The following CNTN5 variants were observed in gnomAD, a reference collection of about 807,000 sequenced individuals.
The protein encoded by CNTN5 is contactin 5, also known as contactin-5.
A neutral mutation model predicts 129.1 loss-of-function variants in CNTN5; 77 were observed. The ratio of observed to expected loss-of-function variants is 0.60; its 90% CI spans 0.50 to 0.72. CNTN5 has a LOEUF of 0.72. Ranked by LOEUF, CNTN5 falls within the 30% of genes least tolerant of loss-of-function variation. CNTN5 has a pLI of 0.00. For synonymous variants in CNTN5, 509 were observed against 465.6 expected, an observed-to-expected ratio of 1.09 and a Z score of -1.20; for missense variants, 1,478 against 1,328.8, an observed-to-expected ratio of 1.11 and a Z score of -1.75.
chr11:99,448,757 T>C (rs1944177391), intron 2 of CNTN5, among the ~76,000 whole-genome samples: 1 of 147,744 alleles, frequency 6.8e-6, no homozygotes, highest in Non-Finnish European at 1.5e-5. Flanking sequence ...TTTATTTTAT[T>C]TTATTTTATT....
At chr11:100,323,981 C>A (rs1415328329) in intron 21 of CNTN5, among the ~76,000 whole-genome samples, 2 of 152,160 alleles carry the variant, frequency 1.3e-5, no homozygotes, top group Non-Finnish European at 1.5e-5. Flanking sequence ...GATTAATATT[C>A]TTCTACCTGA....
At chr11:99,625,042 C>G (rs636381) in intron 3 of CNTN5, among the ~76,000 whole-genome samples, 32,706 of 152,136 alleles carry the variant, frequency 0.21, 4,003 homozygotes, top group Middle Eastern at 0.34. Flanking sequence ...TGCCTAGTAT[C>G]TAGTCCAGTG....
intron 2 of CNTN5, among the ~76,000 whole-genome samples, chr11:99,480,278 T>G (rs1441167612): frequency 1.3e-5 from 2 of 152,164 alleles, no homozygotes; most frequent in African/African-American, 4.8e-5. Context: ...CTTCTTGAAA[T>G]GATAAACTTT....
At chr11:99,890,253 G>A (rs1316708063) in intron 6 of CNTN5, among the ~76,000 whole-genome samples, 1 of 152,066 alleles carries the variant, frequency 6.6e-6, no homozygotes, top group South Asian at 2.1e-4. Flanking sequence ...AGCTCACAAT[G>A]GCAGAAGCTA....
At chr11:99,762,419 ATC>A (rs777754325) in intron 3 of CNTN5, among the ~76,000 whole-genome samples, 5 of 151,888 alleles carry the variant, frequency 3.3e-5, no homozygotes, top group South Asian at 2.1e-4. Flanking sequence ...TAAGTCTTTA[ATC>A]CATCTTGAAT....
intron 2 of CNTN5, among the ~76,000 whole-genome samples, chr11:99,451,255 A>G (rs991412223): frequency 4.6e-5 from 7 of 152,134 alleles, no homozygotes; most frequent in African/African-American, 7.2e-5. Flanking sequence ...TCATCCCAAT[A>G]TTTTCTTAGA....
chr11:100,005,651 C>A (rs1940145443), intron 9 of CNTN5, among the ~76,000 whole-genome samples: 1 of 151,992 alleles, frequency 6.6e-6, no homozygotes, highest in Non-Finnish European at 1.5e-5. Context: ...CATGACAACC[C>A]CAAAAAACTT....
intron 1 of CNTN5, among the ~76,000 whole-genome samples, chr11:99,117,387 G>A (rs1055804647): frequency 2.0e-5 from 3 of 152,112 alleles, no homozygotes; most frequent in African/African-American, 7.2e-5. Context: ...ACCCAAGGAT[G>A]ACCACAATCC....
intron 1 of CNTN5, chr11:99,049,890 A>G (rs534497368): frequency 6.6e-6 from 1 of 152,302 alleles, no homozygotes; most frequent in East Asian, 1.9e-4. Flanking sequence ...GACTCTGATC[A>G]TCTCTATTTT....
chr11:100,258,569 A>G (rs1267845156), intron 17 of CNTN5, among the ~76,000 whole-genome samples: 2 of 152,236 alleles, frequency 1.3e-5, no homozygotes, highest in African/African-American at 2.4e-5. Flanking sequence ...AGGGAAGCCC[A>G]TCAGACTAAC....
chr11:99,051,026 G>T (rs1864407241), intron 1 of CNTN5, among the ~76,000 whole-genome samples: 1 of 151,738 alleles, frequency 6.6e-6, no homozygotes, highest in Non-Finnish European at 1.5e-5. Context: ...CATTATTTGA[G>T]TTGTATCAGC....
chr11:99,898,479 G>A (rs1447973595), intron 6 of CNTN5, among the ~76,000 whole-genome samples: 1 of 151,914 alleles, frequency 6.6e-6, no homozygotes, highest in Non-Finnish European at 1.5e-5. Flanking sequence ...AAGATAAATA[G>A]CATAGTTCCT....
At chr11:100,060,248 T>G (rs1265783552) in intron 9 of CNTN5, among the ~76,000 whole-genome samples, 1 of 151,500 alleles carries the variant, frequency 6.6e-6, no homozygotes, top group East Asian at 1.9e-4. Flanking sequence ...CCTCCGCTGC[T>G]TTCAATGTTT....
chr11:99,314,782 A>C (rs1354382409), intron 1 of CNTN5, among the ~76,000 whole-genome samples: 1 of 149,704 alleles, frequency 6.7e-6, no homozygotes, highest in African/African-American at 2.4e-5. Flanking sequence ...GGAGGTGCAC[A>C]TGTGTAATTA....
intron 13 of CNTN5, among the ~76,000 whole-genome samples, chr11:100,088,770 G>A (rs1565228864): frequency 6.6e-6 from 1 of 151,906 alleles, no homozygotes; most frequent in Non-Finnish European, 1.5e-5. Context: ...AAAACACTGA[G>A]GACCAGATTA....
intron 3 of CNTN5, among the ~76,000 whole-genome samples, chr11:99,573,647 T>C (rs1056558719): frequency 9.2e-5 from 14 of 152,144 alleles, no homozygotes; most frequent in African/African-American, 3.1e-4. Context: ...TTTTTTTCTA[T>C]TGAGACGGAG....
chr11:100,177,878 C>T (rs927350930), intron 13 of CNTN5, among the ~76,000 whole-genome samples: 7 of 152,046 alleles, frequency 4.6e-5, no homozygotes, highest in African/African-American at 1.7e-4. Context: ...TCTATGTAGC[C>T]ACTGTTTTTC....
chr11:99,602,161 T>C (rs145672165), intron 3 of CNTN5, among the ~76,000 whole-genome samples: 1 of 151,996 alleles, frequency 6.6e-6, no homozygotes, highest in African/African-American at 2.4e-5. Context: ...GCAGACAAAA[T>C]AGTTACCATG....
chr11:100,199,984 A>C (rs1485670018), intron 15 of CNTN5, among the ~76,000 whole-genome samples: 1 of 152,032 alleles, frequency 6.6e-6, no homozygotes, highest in East Asian at 1.9e-4. Context: ...CAGAGGTTTT[A>C]ATATAATTAA....
Sources: allele counts gnomAD v4.1 joint callset (sites outside exome capture counted in the v4.1 genomes callset), GRCh38; gene constraint gnomAD v4.1.1; transcripts MANE v1.5; gene names NCBI Gene and HGNC (gene_info 2026-07-23, HGNC 2026-07-21).